The following SANBR variants were observed in gnomAD, a reference collection of about 807,000 sequenced individuals.
SANBR encodes the protein SANT and BTB domain regulator of CSR, also known as SANT and BTB domain regulator of class switch recombination.
In SANBR, 77 loss-of-function variants were observed where a neutral mutation model predicts 101.8. The ratio of observed to expected loss-of-function variants is 0.76; its 90% CI spans 0.63 to 0.91. The LOEUF is 0.91. Among genes scored for constraint, SANBR ranks in the 40% least tolerant of loss-of-function variants. The pLI, the probability that SANBR is intolerant of heterozygous loss-of-function variation, is 0.00. For missense variants in SANBR, 875 were observed against 853.0 expected (o/e 1.03, Z -0.32); for synonymous variants, 279 against 274.7 (o/e 1.02, Z -0.15).
intron 4 of SANBR, among the ~76,000 whole-genome samples, chr2:61,073,204 C>CT (rs1681577401): frequency 6.6e-6 from 1 of 152,130 alleles, no homozygotes; most frequent in Non-Finnish European, 1.5e-5. Context: ...CATTTGATCC[C>CT]TGTTTGTACA....
At chr2:61,100,524 G>A (rs1323540457) in intron 12 of SANBR, among the ~76,000 whole-genome samples, 3 of 152,198 alleles carry the variant, frequency 2.0e-5, no homozygotes, top group Non-Finnish European at 1.5e-5. Flanking sequence ...AGCACATTTA[G>A]TGGTATTAAT....
At chr2:61,071,852 T>C in intron 4 of SANBR, 60 bp downstream of exon 4, 2 of 1,021,556 alleles carry the variant, frequency 2.0e-6, no homozygotes, top group Non-Finnish European at 2.9e-6. Context: ...GAATATTATA[T>C]ATTCCAATCA....
chr2:61,107,416 A>G (rs1490480247), intron 14 of SANBR, among the ~76,000 whole-genome samples: 1 of 152,106 alleles, frequency 6.6e-6, no homozygotes, highest in East Asian at 1.9e-4. Context: ...AAAAGTTTCA[A>G]AACTGAAATA....
rs532197128 is a variant in SANBR, at chr2:61,117,754, T to C, written c.1939+214T>C. On this transcript the variant is annotated intron_variant, in intron 19 of 21. Coordinates refer to ENST00000402291, the MANE Select transcript of SANBR (RefSeq NM_001129993.3). ...TTATGCATCTGTGGTTTTGAGATCA[T>C]TCACATTGACCTTTGCCCATTATTT... is the stretch of plus-strand genomic sequence containing the variant. Among the ~76,000 whole-genome samples, 63 of 152,334 alleles carry C rather than the reference T, an allele frequency of 4.1e-4. 1 individual carries two copies. The highest frequency in any genetic ancestry group is 1.5e-3 in the African/African-American group (62 of 41,576).
chr2:61,102,515 A>G (rs764626363), intron 12 of SANBR, among the ~76,000 whole-genome samples: 31 of 151,996 alleles, frequency 2.0e-4, no homozygotes, highest in Non-Finnish European at 4.3e-4. Flanking sequence ...ATGCCAATAC[A>G]TATTTACCAC....
chr2:61,095,946 G>T (rs978306097), intron 11 of SANBR, among the ~76,000 whole-genome samples: 4 of 151,998 alleles, frequency 2.6e-5, no homozygotes, highest in Non-Finnish European at 5.9e-5. Context: ...GGCCTTGTGG[G>T]ACCACCCTTA....
intron 6 of SANBR, among the ~76,000 whole-genome samples, chr2:61,078,798 A>G (rs998347227): frequency 6.6e-6 from 1 of 151,922 alleles, no homozygotes; most frequent in Non-Finnish European, 1.5e-5. Context: ...CAGCACTTTG[A>G]CAGGCTGAGG....
At position 61,076,961 on chromosome 2, in the gene SANBR, T is replaced by G. The variant is rs1681819114; in HGVS notation, c.473T>G (p.Leu158Trp). The change falls in exon 6 of 22, where the codon TTG (leucine) becomes TGG (tryptophan). Residue 158 changes from leucine to tryptophan, a missense_variant. Coordinates refer to ENST00000402291, the MANE Select transcript of SANBR (RefSeq NM_001129993.3). ...CATGTGTGTGATGAAGCAAAAAACT[T>G]GAAAGAAGATTTTACTTGCCCGCGA... ...VIHVCDEAKN[L>W]KEDFTCPRDL... 1 of 1,613,988 alleles carries G rather than the reference T, an allele frequency of 6.2e-7. No homozygotes were observed. The highest frequency in any genetic ancestry group is 1.7e-5 in the Admixed American group (1 of 59,992).
At chr2:61,102,192 A>G (rs576327527) in intron 12 of SANBR, among the ~76,000 whole-genome samples, 2 of 150,962 alleles carry the variant, frequency 1.3e-5, no homozygotes, top group South Asian at 4.2e-4. Context: ...ACTGACCAAC[A>G]TGGTGAAACC....
At chr2:61,071,829 T>C (rs1178129753) in intron 4 of SANBR, 37 bp downstream of exon 4, 4 of 1,303,064 alleles carry the variant, frequency 3.1e-6, no homozygotes, top group Admixed American at 4.6e-5. Context: ...CTTGCCCTTA[T>C]GAAAATTCTG....
chr2:61,126,288 C>T (rs568193809), downstream of SANBR, among the ~76,000 whole-genome samples: 20 of 152,280 alleles, frequency 1.3e-4, no homozygotes, highest in African/African-American at 4.1e-4. Flanking sequence ...AAGTCCCATA[C>T]GTACTCCACA....
At chr2:61,067,621 A>C (rs1024363504) in intron 1 of SANBR, among the ~76,000 whole-genome samples, 1 of 152,114 alleles carries the variant, frequency 6.6e-6, no homozygotes, top group African/African-American at 2.4e-5. Flanking sequence ...CTGTAGTCCC[A>C]GCTACTCGGG....
At chr2:61,091,135 A>G (rs1190202273) in intron 10 of SANBR, among the ~76,000 whole-genome samples, 1 of 152,114 alleles carries the variant, frequency 6.6e-6, no homozygotes, top group Non-Finnish European at 1.5e-5. Context: ...CTAAGCACAA[A>G]ACCAGCAAAA....
intron 2 of SANBR, among the ~76,000 whole-genome samples, chr2:61,069,922 A>G (rs116275379): frequency 0.025 from 3,785 of 152,212 alleles, 136 homozygotes; most frequent in African/African-American, 0.086. Context: ...AGCCCATAGT[A>G]TACGTCTTGT....
At chr2:61,066,262 C>T (rs1279368764) in intron 1 of SANBR, 1 of 152,526 alleles carries the variant, frequency 6.6e-6, no homozygotes, top group Non-Finnish European at 1.5e-5. Flanking sequence ...GACCGTCCCG[C>T]CCGCGCACAG....
intron 6 of SANBR, 124 bp downstream of exon 6, chr2:61,077,282 G>A: frequency 1.4e-6 from 1 of 701,824 alleles, no homozygotes; most frequent in Admixed American, 2.4e-5. Context: ...ATTAGTAACA[G>A]CCTTTTAGGA....
At chr2:61,081,291 T>C in intron 6 of SANBR, among the ~76,000 whole-genome samples, 161 bp from the exon 7 acceptor site, 1 of 152,148 alleles carries the variant, frequency 6.6e-6, no homozygotes, top group Non-Finnish European at 1.5e-5. Flanking sequence ...AGTTTTAACA[T>C]TGAATTTTCT....
At chr2:61,117,417 C>T (rs1559140606) in intron 18 of SANBR, 32 bp downstream of exon 18, 10 of 1,612,462 alleles carry the variant, frequency 6.2e-6, no homozygotes, top group African/African-American at 1.3e-5. Context: ...AATCGGATAT[C>T]CACTCTTAAA....
downstream of SANBR, among the ~76,000 whole-genome samples, chr2:61,125,156 T>C (rs1391350071): frequency 6.6e-6 from 1 of 152,202 alleles, no homozygotes; most frequent in Non-Finnish European, 1.5e-5. Context: ...CCTTATAAGA[T>C]TTTGGGGCAA....
Sources: gnomAD v4.1 joint callset for allele counts (sites outside exome capture counted in the v4.1 genomes callset) on GRCh38, gnomAD v4.1.1 for gene constraint, MANE v1.5 for transcripts, NCBI Gene and HGNC (gene_info 2026-07-23, HGNC 2026-07-21) for gene names.